TOX: variants seen among roughly 807,000 people sequenced by gnomAD.
TOX encodes the protein thymocyte selection-associated high mobility group box protein TOX.
Under a neutral mutation model 53.7 loss-of-function variants are expected in TOX, and 11 were observed. That is an observed-to-expected ratio of 0.20 (90% confidence interval 0.13 to 0.34). TOX has a LOEUF of 0.34. TOX is among the 10% of genes least tolerant of loss of function. The pLI is 1.00. For missense variants in TOX, 570 were observed against 664.6 expected (o/e 0.86, Z 1.56); for synonymous variants, 225 against 245.3 (o/e 0.92, Z 0.77).
intron 1 of TOX, among the ~76,000 whole-genome samples, chr8:59,068,407 G>A (rs1294147056): frequency 6.9e-6 from 1 of 145,452 alleles, no homozygotes; most frequent in African/African-American, 2.7e-5. Flanking sequence ...CAAGAAAGAG[G>A]AAGAAGAAGA....
chr8:58,873,958 C>CTCTTTTTTTTTTTTTTTT (rs1491588338), intron 3 of TOX, among the ~76,000 whole-genome samples: 2 of 40,128 alleles, frequency 5.0e-5, no homozygotes, highest in African/African-American at 3.5e-4. Context: ...TGCCAGGAAG[C>CTCTTTTTTTTTTTTTTTT]TTTTTTTTTT....
intron 3 of TOX, among the ~76,000 whole-genome samples, chr8:58,938,322 A>C (rs1812380782): frequency 6.6e-6 from 1 of 152,208 alleles, no homozygotes; most frequent in Non-Finnish European, 1.5e-5. Flanking sequence ...TTGGCAAGTT[A>C]ATTAATTTAT....
rs565876113 is a variant in TOX, at chr8:58,959,871, C to T, written c.168+72G>A. 37 of 1,466,308 alleles carry T rather than the reference C, an allele frequency of 2.5e-5. No homozygotes were observed. The African/African-American group carries it at 4.9e-4, about 19-fold the overall frequency. 90.8% of individuals were successfully genotyped at this position (1,466,308 alleles called of 1,614,324 possible). A position where few individuals can be genotyped will look rare whatever the true frequency, so the allele number is the denominator to read the frequency against. On this transcript the variant is annotated intron_variant, in intron 2 of 8. Transcript: ENST00000361421. Reference sequence around the variant, plus strand: ...TGCGGCAGTTACTGATAGTGCTACTCATTTGCAATGCAACTCTTTGAATTT... The same window carrying T: ...TGCGGCAGTTACTGATAGTGCTACTTATTTGCAATGCAACTCTTTGAATTT...
chr8:58,904,763 A>G (rs1811785665), intron 3 of TOX, among the ~76,000 whole-genome samples: 1 of 152,212 alleles, frequency 6.6e-6, no homozygotes, highest in African/African-American at 2.4e-5. Context: ...TGACTTCCAC[A>G]TGACTGCCAC....
intron 6 of TOX, among the ~76,000 whole-genome samples, chr8:58,818,534 G>T (rs1810219457): frequency 6.6e-6 from 1 of 152,066 alleles, no homozygotes; most frequent in Non-Finnish European, 1.5e-5. Context: ...TTTGATGGTA[G>T]GGACTTGAAT....
intron 5 of TOX, among the ~76,000 whole-genome samples, chr8:58,830,771 A>G (rs952804263): frequency 6.6e-6 from 1 of 152,174 alleles, no homozygotes; most frequent in African/African-American, 2.4e-5. Context: ...TCTGGATTCT[A>G]TCCAAAAACT....
In TOX at chr8:58,894,768, C is replaced by T. The variant is rs561617358; in HGVS notation, c.412-42963G>A. On this transcript the variant is annotated intron_variant, in intron 3 of 8. Transcript: ENST00000361421. ...AAAATTAGCCAGGCCTGGTGGCTGG[C>T]GCCTGTAATCCCAAATACTCGGGAG... is the stretch of plus-strand genomic sequence containing the variant. Among the ~76,000 whole-genome samples the T allele has an allele frequency of 6.9e-4, 105 of 152,184 alleles. No individual in the cohort carries two copies. In the Middle Eastern group the frequency reaches 0.01, roughly 15 times the overall value.
chr8:58,993,584 A>G (rs1813496621), intron 1 of TOX, among the ~76,000 whole-genome samples: 1 of 152,240 alleles, frequency 6.6e-6, no homozygotes, highest in South Asian at 2.1e-4. Flanking sequence ...TTTTCTTCTA[A>G]GAGAAAATGA....
intron 2 of TOX, among the ~76,000 whole-genome samples, chr8:58,945,772 T>C (rs1239864284): frequency 9.9e-5 from 15 of 152,194 alleles, no homozygotes; most frequent in African/African-American, 2.9e-4. Context: ...AGAGAGAGTG[T>C]TAATATATGC....
chr8:58,987,989 A>G (rs1315420520), intron 1 of TOX, among the ~76,000 whole-genome samples: 1 of 152,224 alleles, frequency 6.6e-6, no homozygotes, highest in Non-Finnish European at 1.5e-5. Flanking sequence ...CAGGAATCCA[A>G]TCCAGGTCTT....
At chr8:58,890,555 A>C (rs1395907540) in intron 3 of TOX, among the ~76,000 whole-genome samples, 1 of 152,164 alleles carries the variant, frequency 6.6e-6, no homozygotes, top group East Asian at 1.9e-4. Context: ...TAAGGTGGGC[A>C]ATAGGTGATA....
intron 3 of TOX, among the ~76,000 whole-genome samples, chr8:58,855,918 AG>A (rs1242760767): frequency 5.3e-5 from 8 of 152,224 alleles, no homozygotes; most frequent in African/African-American, 1.7e-4. Context: ...GTTATTAAAA[AG>A]AGGGGAAAAA....
chr8:58,851,619 C>G lies in TOX; in HGVS notation c.598G>C (p.Val200Leu). 1 of 1,613,556 alleles carries G rather than the reference C, an allele frequency of 6.2e-7. No individual in the cohort carries two copies. Among genetic ancestry groups the G allele is most frequent in the Non-Finnish European group, 8.5e-7 (1 of 1,179,766 alleles). Reference protein sequence around the residue: ...QLGLNMGGSNVPHNSPSPPGS... With the variant: ...QLGLNMGGSNLPHNSPSPPGS... Reference sequence around the variant, plus strand: ...GGTGGAGATGGTGAGTTGTGGGGAACATTGCTTCCTCCCATATTCAAACCA... The same window carrying G: ...GGTGGAGATGGTGAGTTGTGGGGAAGATTGCTTCCTCCCATATTCAAACCA... Residue 200 changes from valine to leucine, a missense_variant, in exon 4 of 9, where the codon GTT (valine) becomes CTT (leucine). This residue lies in a region of TOX where 282 missense variants were observed against 315.0 expected (regional missense o/e 0.90). Transcript: ENST00000361421. This position sits in a 1 kb window ranked among gnomAD's most constrained non-coding sequence, Gnocchi z 4.4.
rs886684682 is a variant in TOX at position 59,023,216 on chromosome 8, A to G, written c.103-63208T>C. On this transcript the variant is annotated intron_variant, in intron 1 of 8. Coordinates refer to ENST00000361421, the MANE Select transcript of TOX (RefSeq NM_014729.3). ...GTTCAGTGCACTTCATATCATTTTG[A>G]GAATAATTTATGAATCCAGTTTAGT... Among the ~76,000 whole-genome samples, 7 of 152,288 alleles carry G rather than the reference A, an allele frequency of 4.6e-5. 2 individuals are homozygous for G. The Middle Eastern group carries it at 0.01, about 222-fold the overall frequency.
At chr8:58,831,667 A>C (rs556563808) in intron 5 of TOX, among the ~76,000 whole-genome samples, 2 of 152,266 alleles carry the variant, frequency 1.3e-5, no homozygotes, top group South Asian at 4.1e-4. Flanking sequence ...TCTTCTCTCA[A>C]GACATACAAC....
chr8:58,831,904 C>T (rs1810459294), intron 5 of TOX, among the ~76,000 whole-genome samples: 1 of 152,042 alleles, frequency 6.6e-6, no homozygotes, highest in South Asian at 2.1e-4. Context: ...TCCACCCAAA[C>T]ATGTTTTTCA....
intron 1 of TOX, among the ~76,000 whole-genome samples, chr8:59,000,095 A>G (rs945961913): frequency 6.6e-6 from 1 of 152,222 alleles, no homozygotes; most frequent in Non-Finnish European, 1.5e-5. Context: ...TTTAAAATAC[A>G]TCATGTCTTT....
intron 3 of TOX, among the ~76,000 whole-genome samples, chr8:58,911,919 C>G (rs981832605): frequency 6.6e-6 from 1 of 152,170 alleles, no homozygotes; most frequent in Non-Finnish European, 1.5e-5. Flanking sequence ...TCAGGCTGGT[C>G]TCGAACTCCT....
intron 1 of TOX, among the ~76,000 whole-genome samples, chr8:59,002,454 T>A (rs894788345): frequency 6.6e-6 from 1 of 150,526 alleles, no homozygotes; most frequent in African/African-American, 2.4e-5. Context: ...TAGCGGAGCG[T>A]GGTGGCAGGC....
Sources: allele counts gnomAD v4.1 joint callset (sites outside exome capture counted in the v4.1 genomes callset), GRCh38; gene constraint gnomAD v4.1.1; regional missense constraint gnomAD v4.1.1; non-coding constraint Gnocchi (gnomAD v3.1); transcripts MANE v1.5; gene names NCBI Gene and HGNC (gene_info 2026-07-23, HGNC 2026-07-21).